ARID5B: variants seen among roughly 807,000 people sequenced by gnomAD.
ARID5B encodes AT-rich interactive domain-containing protein 5B.
ARID5B carries 13 observed loss-of-function variants against 97.2 expected under a neutral mutation model. The ratio of observed to expected loss-of-function variants is 0.13; its 90% confidence interval spans 0.09 to 0.21. The LOEUF (loss-of-function observed/expected upper bound fraction) is 0.21. Among genes scored for constraint, ARID5B ranks in the 10% least tolerant of loss-of-function variants. The pLI, the probability that ARID5B is intolerant of heterozygous loss-of-function variation, is 1.00. For missense variants in ARID5B, 1,210 were observed against 1,465.3 expected (o/e 0.83, Z 2.84); for synonymous variants, 556 against 570.3 (o/e 0.97, Z 0.36).
chr10:61,920,771 T>G (rs1478963102), intron 2 of ARID5B, among the ~76,000 whole-genome samples: 1 of 152,168 alleles, frequency 6.6e-6, no homozygotes, highest in East Asian at 1.9e-4. Context: ...CAATCAATAT[T>G]TATTAGGATG....
At position 61,968,918 on chromosome 10, in the gene ARID5B, GA is replaced by G. The variant is rs1838585366; in HGVS notation, c.502+28512del. Among the ~76,000 whole-genome samples, 5 of 152,152 alleles carry G rather than the reference GA, an allele frequency of 3.3e-5. No individual in the cohort carries two copies. The South Asian group carries it at 8.3e-4, about 25-fold the overall frequency. The stretch of plus-strand genomic sequence containing the variant: ...TGGTTTCTAAAGTTTTAACCAAAGT[GA>G]ATAGAACAATAATAAATTGCTTTCA... On this transcript the variant is annotated intron_variant, in intron 3 of 9. Transcript: ENST00000279873.
Position 62,091,380 on chromosome 10 carries a change from C to T in ARID5B, c.1917C>T (p.His639=). 6.2e-7 allele frequency: 1 copy of T among 1,614,090 alleles called. No homozygotes were observed. The highest frequency in any genetic ancestry group is 8.5e-7 in the Non-Finnish European group (1 of 1,179,996). ...ACCAGCTGGGCAGTGACGACATCCACAATGCGCTCAAGCAGACCCCAAAGG... is the reference window on the plus strand; with the variant it reads ...ACCAGCTGGGCAGTGACGACATCCATAATGCGCTCAAGCAGACCCCAAAGG... ...KVDQLGSDDI[H]NALKQTPKVL... The change falls in exon 10 of 10, where the codon CAC becomes CAT. Residue 639 remains histidine, a synonymous_variant. Coordinates refer to ENST00000279873, the MANE Select transcript of ARID5B (RefSeq NM_032199.3).
chr10:62,039,891 T>A (rs1414721004), intron 4 of ARID5B, among the ~76,000 whole-genome samples: 1 of 152,266 alleles, frequency 6.6e-6, no homozygotes, highest in African/African-American at 2.4e-5. Context: ...TAGGCCTGAC[T>A]GTAACTGACC....
chr10:61,990,869 A>G (rs1838914090), intron 3 of ARID5B, among the ~76,000 whole-genome samples: 1 of 152,174 alleles, frequency 6.6e-6, no homozygotes, highest in Non-Finnish European at 1.5e-5. Flanking sequence ...CTTTTTCACC[A>G]TTCCTAACAA....
intron 4 of ARID5B, among the ~76,000 whole-genome samples, chr10:62,003,300 G>A (rs142348042): frequency 1.3e-3 from 195 of 152,288 alleles, no homozygotes; most frequent in African/African-American, 4.5e-3. Flanking sequence ...TTTGATGAGT[G>A]TTGCAGAAAG....
intron 2 of ARID5B, among the ~76,000 whole-genome samples, chr10:61,936,868 GA>G (rs1194472033): frequency 1.4e-5 from 2 of 143,838 alleles, no homozygotes; most frequent in South Asian, 2.2e-4. Flanking sequence ...AAAAAAGAAA[GA>G]AAAAAAAACT....
chr10:61,993,836 G>GA (rs1347873665), intron 3 of ARID5B, among the ~76,000 whole-genome samples: 2 of 152,144 alleles, frequency 1.3e-5, no homozygotes, highest in Non-Finnish European at 2.9e-5. Flanking sequence ...AAAGCTTTGA[G>GA]AAAAGAATGT....
At chr10:61,984,540 C>A (rs2132849187) in intron 3 of ARID5B, among the ~76,000 whole-genome samples, 1 of 152,254 alleles carries the variant, frequency 6.6e-6, no homozygotes, top group East Asian at 1.9e-4. Context: ...GTGGAGCTTG[C>A]TCATGTGGAG....
Position 62,069,750 on chromosome 10 carries a change from T to C in ARID5B, c.1152T>C (p.Asn384=). Residue 384 remains asparagine, a synonymous_variant, in exon 8 of 10, where the codon AAT becomes AAC. Transcript: ENST00000279873. ...WKHIYDELGG[N]PGSTSAATCT... ...ATATTTATGATGAATTAGGCGGTAA[T>C]CCTGGGAGCACCAGCGCTGCCACTT... The C allele has an allele frequency of 6.2e-7, 1 of 1,614,160 alleles. No individual in the cohort carries two copies.
intron 2 of ARID5B, among the ~76,000 whole-genome samples, 190 bp from the exon 3 acceptor site, chr10:61,939,993 A>C (rs893704069): frequency 6.6e-6 from 1 of 152,238 alleles, no homozygotes; most frequent in Admixed American, 6.5e-5. Context: ...CCTTAACTAA[A>C]CAACTAGCAG....
intron 4 of ARID5B, among the ~76,000 whole-genome samples, chr10:62,024,103 G>A (rs1454994487): frequency 1.3e-5 from 2 of 152,118 alleles, no homozygotes; most frequent in Admixed American, 1.3e-4. Flanking sequence ...ACTTCTTTCT[G>A]TCAAGGCCAT....
intron 3 of ARID5B, among the ~76,000 whole-genome samples, chr10:61,997,813 C>A (rs1839021776): frequency 6.6e-6 from 1 of 152,166 alleles, no homozygotes; most frequent in Non-Finnish European, 1.5e-5. Flanking sequence ...CTTAAAAACT[C>A]TGGAGAAACG....
chr10:62,030,899 T>C (rs1839488879), intron 4 of ARID5B, among the ~76,000 whole-genome samples: 1 of 152,202 alleles, frequency 6.6e-6, no homozygotes, highest in African/African-American at 2.4e-5. Flanking sequence ...AGTTTCAAAG[T>C]ACATCCCCCA....
chr10:61,987,156 G>C (rs529979520), intron 3 of ARID5B, among the ~76,000 whole-genome samples: 2 of 152,292 alleles, frequency 1.3e-5, no homozygotes, highest in Admixed American at 1.3e-4. Flanking sequence ...CATGCGATCT[G>C]TTAGGTGTCT....
chr10:61,990,217 A>AT (rs1346954282), intron 3 of ARID5B, among the ~76,000 whole-genome samples: 5 of 152,244 alleles, frequency 3.3e-5, no homozygotes, highest in African/African-American at 1.2e-4. Flanking sequence ...AATGCAACCT[A>AT]TAAAAGTGCT....
At position 61,925,076 on chromosome 10, in the gene ARID5B, A is replaced by G. The variant is rs564825843; in HGVS notation, c.277-15107A>G. Among the ~76,000 whole-genome samples, 281 of 152,200 alleles carry G rather than the reference A, an allele frequency of 1.8e-3. 4 individuals are homozygous for G. The highest frequency in any genetic ancestry group is 6.6e-3 in the African/African-American group (274 of 41,526). ...AAAAAATGGCTGGTCATGGTGGCAC[A>G]TACCTGTAATCCCAGCTACTCGGGA... On this transcript the variant is annotated intron_variant, in intron 2 of 9. Coordinates refer to ENST00000279873, the MANE Select transcript of ARID5B (RefSeq NM_032199.3).
chr10:61,912,009 T>C (rs1012191699), intron 2 of ARID5B, among the ~76,000 whole-genome samples: 2 of 152,232 alleles, frequency 1.3e-5, no homozygotes, highest in Non-Finnish European at 2.9e-5. Context: ...GATATAGTTA[T>C]TGAACAATGA....
At chr10:62,017,463 T>C (rs1839298681) in intron 4 of ARID5B, among the ~76,000 whole-genome samples, 1 of 150,992 alleles carries the variant, frequency 6.6e-6, no homozygotes, top group Admixed American at 6.6e-5. Flanking sequence ...AAAAAAAAAA[T>C]AAGTCATGGT....
chr10:62,043,949 A>G (rs1368323034), intron 4 of ARID5B, among the ~76,000 whole-genome samples: 4 of 152,192 alleles, frequency 2.6e-5, no homozygotes, highest in Non-Finnish European at 5.9e-5. Flanking sequence ...AAAGGCAGTA[A>G]TACATTACTC....
Sources: gnomAD v4.1 joint callset for allele counts (sites outside exome capture counted in the v4.1 genomes callset) on GRCh38, gnomAD v4.1.1 for gene constraint, MANE v1.5 for transcripts, NCBI Gene and HGNC (gene_info 2026-07-23, HGNC 2026-07-21) for gene names.